LMBRD2: variants seen among roughly 807,000 people sequenced by gnomAD.
LMBRD2 encodes LMBR1 domain containing 2, also known as G protein-coupled receptor-associated protein LMBRD2.
LMBRD2 carries 55 observed loss-of-function variants against 94.4 expected under a neutral mutation model. The observed-to-expected ratio is 0.58, with a 90% confidence interval of 0.47 to 0.73. The LOEUF is 0.73. Among genes scored for constraint, LMBRD2 ranks in the 30% least tolerant of loss-of-function variants. The pLI, the probability that LMBRD2 is intolerant of heterozygous loss-of-function variation, is 0.00. For synonymous variants in LMBRD2, 246 were observed against 272.4 expected (o/e 0.90, Z 0.95); for missense variants, 640 against 831.9 (o/e 0.77, Z 2.84).
At chr5:36,142,752 T>A in intron 2 of LMBRD2, 153 bp from the exon 3 acceptor site, 1 of 482,366 alleles carries the variant, frequency 2.1e-6, no homozygotes, top group Non-Finnish European at 3.7e-6. Flanking sequence ...TGAGACAGAG[T>A]CTCACTCTGT....
chr5:36,105,208 A>G lies in LMBRD2; in HGVS notation c.1898-11T>C. 1 of 1,611,212 alleles carries G rather than the reference A, an allele frequency of 6.2e-7. No homozygotes were observed. The highest frequency in any genetic ancestry group is 1.1e-5 in the South Asian group (1 of 90,726). On this transcript the variant is annotated splice_polypyrimidine_tract_variant and intron_variant, in intron 16 of 17. Transcript: ENST00000296603. ...TATATTTGAATGCAGCTGCAAAGGA[A>G]GGGGGAAAAATGTCTACTTCCCTAC... is the stretch of plus-strand genomic sequence containing the variant.
chr5:36,143,642 C>T (rs1561524160), intron 1 of LMBRD2, among the ~76,000 whole-genome samples: 1 of 152,044 alleles, frequency 6.6e-6, no homozygotes, highest in Admixed American at 6.6e-5. Flanking sequence ...AAAAACTTAA[C>T]AAAAATTATT....
At chr5:36,120,303 G>C (rs532186933) in intron 9 of LMBRD2, among the ~76,000 whole-genome samples, 1 of 151,896 alleles carries the variant, frequency 6.6e-6, no homozygotes, top group African/African-American at 2.4e-5. Context: ...TGGGACTACA[G>C]GTAGGCTGGA....
chr5:36,104,164 G>T, intron 17 of LMBRD2, 58 bp from the exon 18 acceptor site: 1 of 1,344,328 alleles, frequency 7.4e-7, no homozygotes, highest in East Asian at 2.4e-5. Flanking sequence ...AGGAAGAGAG[G>T]AAAACAAGAA....
At chr5:36,139,340 G>C (rs1159852607) in intron 4 of LMBRD2, among the ~76,000 whole-genome samples, 1 of 152,228 alleles carries the variant, frequency 6.6e-6, no homozygotes, top group African/African-American at 2.4e-5. Context: ...CAGTGGGGCT[G>C]AGGGCAGCTC....
Position 36,122,482 on chromosome 5 carries a change from G to A in LMBRD2, c.937-19C>T. ...AAATCACCTAAAAAAGAGAATGGGG[G>A]TAGACCTGGCAGTGTTCTGATCCAA... On this transcript the variant is annotated intron_variant, in intron 8 of 17. Transcript: ENST00000296603. 1 of 1,602,868 alleles carries A rather than the reference G, an allele frequency of 6.2e-7. No homozygotes were observed. The highest frequency in any genetic ancestry group is 8.5e-7 in the Non-Finnish European group (1 of 1,173,246).
At chr5:36,143,048 A>G (rs1415096961) in intron 2 of LMBRD2, 128 bp downstream of exon 2, 2 of 715,920 alleles carry the variant, frequency 2.8e-6, no homozygotes, top group South Asian at 4.1e-5. Context: ...TTTAATGATC[A>G]AATGGCCATA....
chr5:36,128,443 C>A (rs1004721475), intron 6 of LMBRD2, among the ~76,000 whole-genome samples: 1 of 152,166 alleles, frequency 6.6e-6, no homozygotes, highest in Non-Finnish European at 1.5e-5. Context: ...GCACCAGGGC[C>A]AAGTACAGTG....
chr5:36,109,922 A>G (rs749352377), intron 15 of LMBRD2, 23 bp downstream of exon 15: 1 of 1,532,778 alleles, frequency 6.5e-7, no homozygotes, highest in Admixed American at 1.7e-5. Context: ...TCTTCAGATT[A>G]CAGAAATTAA....
intron 14 of LMBRD2, 33 bp downstream of exon 14, chr5:36,111,119 ATTT>A (rs1267644761): frequency 8.0e-7 from 1 of 1,256,342 alleles, no homozygotes; most frequent in Admixed American, 1.9e-5. Context: ...AGCACTTAGT[ATTT>A]TCCCTTCATT....
At chr5:36,131,680 T>C (rs897103894) in intron 6 of LMBRD2, among the ~76,000 whole-genome samples, 1 of 152,140 alleles carries the variant, frequency 6.6e-6, no homozygotes, top group South Asian at 2.1e-4. Flanking sequence ...GGCATTTCTA[T>C]ATGTCAACCG....
chr5:36,130,329 T>G (rs566031397), intron 6 of LMBRD2, among the ~76,000 whole-genome samples: 1 of 152,286 alleles, frequency 6.6e-6, no homozygotes, highest in African/African-American at 2.4e-5. Context: ...TTTCTCTGTT[T>G]ATTTTTGCAA....
intron 6 of LMBRD2, among the ~76,000 whole-genome samples, chr5:36,128,831 C>T (rs1744069179): frequency 6.6e-6 from 1 of 152,168 alleles, no homozygotes. Flanking sequence ...TTCAAGGAAA[C>T]TCAACAAAAT....
intron 8 of LMBRD2, 58 bp from the exon 9 acceptor site, chr5:36,122,521 C>T (rs1203988030): frequency 7.2e-7 from 1 of 1,385,620 alleles, no homozygotes; most frequent in Non-Finnish European, 1.0e-6. Context: ...TGGTTCAACT[C>T]TCCACTAGGG....
intron 1 of LMBRD2, among the ~76,000 whole-genome samples, chr5:36,145,072 C>G (rs1434393265): frequency 2.0e-5 from 3 of 152,182 alleles, no homozygotes; most frequent in African/African-American, 7.2e-5. Flanking sequence ...TCTCCCCTTA[C>G]CCCAGAGACT....
intron 16 of LMBRD2, 52 bp downstream of exon 16, chr5:36,108,482 A>G: frequency 2.2e-6 from 2 of 908,528 alleles, no homozygotes; most frequent in Non-Finnish European, 3.5e-6. Context: ...ATCTCTATGC[A>G]AGAAAGCATA....
chr5:36,109,136 A>C (rs1743543858), intron 15 of LMBRD2, among the ~76,000 whole-genome samples: 1 of 152,144 alleles, frequency 6.6e-6, no homozygotes, highest in Non-Finnish European at 1.5e-5. Flanking sequence ...TTAAATTCTT[A>C]GAATTGAAAG....
At chr5:36,146,613 G>A (rs140776849) in intron 1 of LMBRD2, among the ~76,000 whole-genome samples, 128 of 152,234 alleles carry the variant, frequency 8.4e-4, no homozygotes, top group Non-Finnish European at 1.4e-3. Flanking sequence ...CTGGCTGCAA[G>A]TGATCCTCTC....
chr5:36,129,204 T>C (rs1579516503), intron 6 of LMBRD2, among the ~76,000 whole-genome samples: 1 of 152,216 alleles, frequency 6.6e-6, no homozygotes. Flanking sequence ...AAAGTGATAA[T>C]AATAGAGAAC....
Sources: gnomAD v4.1 joint callset for allele counts (sites outside exome capture counted in the v4.1 genomes callset) on GRCh38, gnomAD v4.1.1 for gene constraint, MANE v1.5 for transcripts, NCBI Gene and HGNC (gene_info 2026-07-23, HGNC 2026-07-21) for gene names.